CDC42BPA: variants seen among roughly 807,000 people sequenced by gnomAD.
CDC42BPA encodes the protein CDC42 binding protein kinase alpha.
A neutral mutation model predicts 223.5 loss-of-function variants in CDC42BPA; 80 were observed. The ratio of observed to expected loss-of-function variants is 0.36; its 90% CI spans 0.30 to 0.43. CDC42BPA has a LOEUF of 0.43. Among genes scored for constraint, CDC42BPA ranks in the 20% least tolerant of loss-of-function variants. The probability of loss-of-function intolerance (pLI) is 1.00; values close to 1 mark genes in which losing one functional copy is unlikely to be tolerated. For missense variants in CDC42BPA, 1,743 were observed against 2,099.9 expected (o/e 0.83, Z 3.32); for synonymous variants, 694 against 718.6 (o/e 0.97, Z 0.55).
rs754904806 is a variant in CDC42BPA, at chr1:227,145,600, A to G, written c.1032T>C (p.Ser344=). The change falls in exon 8 of 37, where the codon AGT becomes AGC. Residue 344 remains serine (S), a synonymous_variant. Coordinates refer to ENST00000366766, the MANE Select transcript of CDC42BPA (RefSeq NM_001394014.1). ...TCCGAATATTATCCCAATCAATTCC[A>G]CTGAAAAATGGGTGTTTCTTAAAGT... is the stretch of plus-strand genomic sequence containing the variant. The part of the protein sequence containing the change: ...IEDFKKHPFF[S]GIDWDNIRNC... 1.9e-6 allele frequency: 3 copies of G among 1,613,828 alleles called. No homozygotes were observed. The highest frequency in any genetic ancestry group is 2.5e-6 in the Non-Finnish European group (3 of 1,179,826).
rs938154483 is a variant in CDC42BPA, at chr1:226,990,212, T to C, written c.*4056A>G. 6.6e-6 allele frequency: 1 copy of C among 152,186 alleles called. No homozygotes were observed. The highest frequency in any genetic ancestry group is 1.5e-5 in the Non-Finnish European group (1 of 68,026). 9.4% of individuals were successfully genotyped at this position (152,186 alleles called of 1,614,324 possible). ...GAAAAACCCTAAAAAATTTATAAAA[T>C]GAATGATATTACACTATCAAATAAA... is the stretch of plus-strand genomic sequence containing the variant. On this transcript the variant is annotated 3_prime_UTR_variant, in exon 37 of 37. Coordinates refer to ENST00000366766, the MANE Select transcript of CDC42BPA (RefSeq NM_001394014.1).
At chr1:227,201,372 T>C (rs1671726514) in intron 3 of CDC42BPA, among the ~76,000 whole-genome samples, 1 of 152,144 alleles carries the variant, frequency 6.6e-6, no homozygotes, top group South Asian at 2.1e-4. Flanking sequence ...GGTCTCATAC[T>C]ACTGGGCTCA....
intron 34 of CDC42BPA, among the ~76,000 whole-genome samples, chr1:227,009,706 AT>A (rs1436259081): frequency 1.3e-5 from 2 of 152,104 alleles, no homozygotes; most frequent in Non-Finnish European, 2.9e-5. Flanking sequence ...ATGAGCCATC[AT>A]GCCCAGTGAA....
chr1:227,213,686 T>C (rs1315107272), intron 2 of CDC42BPA, among the ~76,000 whole-genome samples: 5 of 152,006 alleles, frequency 3.3e-5, no homozygotes, highest in South Asian at 2.1e-4. Context: ...TCAAACAATA[T>C]GAAATAAACT....
intron 32 of CDC42BPA, among the ~76,000 whole-genome samples, chr1:227,022,018 C>T (rs1297477444): frequency 1.9e-5 from 1 of 52,038 alleles, no homozygotes; most frequent in African/African-American, 7.8e-5. Flanking sequence ...GACTCCGTCT[C>T]CCCCGCAAAA....
chr1:227,299,324 CAT>C (rs1691238936), intron 1 of CDC42BPA, among the ~76,000 whole-genome samples: 1 of 152,114 alleles, frequency 6.6e-6, no homozygotes, highest in African/African-American at 2.4e-5. Flanking sequence ...AGAACTGAAA[CAT>C]AAATGAGAAA....
chr1:227,112,516 G>C, intron 13 of CDC42BPA, 94 bp from the exon 14 acceptor site: 1 of 1,035,782 alleles, frequency 9.7e-7, no homozygotes, highest in Non-Finnish European at 1.4e-6. Flanking sequence ...GTAACAGGAA[G>C]ATAATTCAAA....
At chr1:227,284,919 G>A (rs1333508767) in intron 1 of CDC42BPA, among the ~76,000 whole-genome samples, 2 of 145,798 alleles carry the variant, frequency 1.4e-5, no homozygotes, top group Non-Finnish European at 3.0e-5. Flanking sequence ...CCAAGGTTGT[G>A]CCACTGCAAT....
intron 1 of CDC42BPA, among the ~76,000 whole-genome samples, chr1:227,267,162 T>C (rs1456426252): frequency 6.6e-6 from 1 of 152,342 alleles, no homozygotes; most frequent in East Asian, 1.9e-4. Context: ...TATAACAAAA[T>C]AGATTTTGTT....
intron 5 of CDC42BPA, among the ~76,000 whole-genome samples, chr1:227,164,075 A>G (rs916032041): frequency 1.1e-4 from 16 of 152,152 alleles, no homozygotes; most frequent in Non-Finnish European, 2.4e-4. Context: ...TTCAGTTGAC[A>G]ATCTTTACAG....
At chr1:227,292,208 C>T (rs1689815952) in intron 1 of CDC42BPA, among the ~76,000 whole-genome samples, 1 of 152,106 alleles carries the variant, frequency 6.6e-6, no homozygotes, top group Admixed American at 6.6e-5. Flanking sequence ...GTCTCAAACT[C>T]CTGACCTAGT....
At chr1:227,135,511 C>T (rs924377609) in intron 10 of CDC42BPA, among the ~76,000 whole-genome samples, 1 of 152,112 alleles carries the variant, frequency 6.6e-6, no homozygotes, top group African/African-American at 2.4e-5. Context: ...CTCTATCCAG[C>T]TCCCGATTCT....
At chr1:227,006,072 C>T (rs1451077770) in intron 34 of CDC42BPA, among the ~76,000 whole-genome samples, 2 of 152,202 alleles carry the variant, frequency 1.3e-5, no homozygotes, top group African/African-American at 4.8e-5. Flanking sequence ...AGACAAATTA[C>T]ATATACCATG....
At chr1:227,094,943 A>C (rs538851607) in intron 15 of CDC42BPA, among the ~76,000 whole-genome samples, 317 of 152,336 alleles carry the variant, frequency 2.1e-3, no homozygotes, top group Non-Finnish European at 2.3e-3. Context: ...GGCATTAATA[A>C]ATACACCAGT....
At chr1:227,111,316 T>C (rs1004852967) in intron 14 of CDC42BPA, among the ~76,000 whole-genome samples, 3 of 152,194 alleles carry the variant, frequency 2.0e-5, no homozygotes, top group Non-Finnish European at 4.4e-5. Context: ...TTACTTAGTA[T>C]GGTAAAAATA....
chr1:227,200,248 T>A (rs1671487486), intron 3 of CDC42BPA, among the ~76,000 whole-genome samples: 2 of 152,064 alleles, frequency 1.3e-5, no homozygotes, highest in Non-Finnish European at 2.9e-5. Flanking sequence ...CTGGGCAACA[T>A]GGTGAAAACC....
chr1:227,173,810 C>G (rs1452087072), intron 5 of CDC42BPA, among the ~76,000 whole-genome samples: 3 of 152,082 alleles, frequency 2.0e-5, no homozygotes, highest in African/African-American at 7.2e-5. Context: ...TAATAAAATA[C>G]AACTGTTAAG....
At chr1:227,047,905 T>C (rs1672777227) in intron 23 of CDC42BPA, 22 bp downstream of exon 23, 3 of 1,444,194 alleles carry the variant, frequency 2.1e-6, no homozygotes, top group African/African-American at 1.4e-5. Context: ...GAACACACTA[T>C]GCTTATAACT....
chr1:227,315,993 C>T (rs1158671811), intron 1 of CDC42BPA, among the ~76,000 whole-genome samples: 1 of 143,790 alleles, frequency 7.0e-6, no homozygotes, highest in Non-Finnish European at 1.5e-5. Flanking sequence ...CAGCACTTGA[C>T]TTTTACTTCA....
Sources: allele counts gnomAD v4.1 joint callset (sites outside exome capture counted in the v4.1 genomes callset), GRCh38; gene constraint gnomAD v4.1.1; transcripts MANE v1.5; gene names NCBI Gene and HGNC (gene_info 2026-07-23, HGNC 2026-07-21).